PDE1A: variants seen among roughly 807,000 people sequenced by gnomAD.
PDE1A encodes dual specificity calcium/calmodulin-dependent 3',5'-cyclic nucleotide phosphodiesterase 1A.
In PDE1A, 35 loss-of-function variants were observed where a neutral mutation model predicts 61.7. That is an observed-to-expected ratio of 0.57 (90% CI 0.43 to 0.75). PDE1A has a LOEUF of 0.75. Among genes scored for constraint, PDE1A ranks in the 30% least tolerant of loss-of-function variants. The pLI is 0.00. For missense variants in PDE1A, 597 were observed against 630.6 expected (o/e 0.95, Z 0.57); for synonymous variants, 232 against 213.2 (o/e 1.09, Z -0.77).
chr2:182,267,893 A>AT (rs1315704277), intron 1 of PDE1A, among the ~76,000 whole-genome samples: 19 of 151,956 alleles, frequency 1.3e-4, no homozygotes, highest in South Asian at 1.0e-3. Context: ...TATCTGTACA[A>AT]TTTTTTTTAT....
intron 2 of PDE1A, among the ~76,000 whole-genome samples, chr2:182,521,346 CTGT>C (rs1054869774): frequency 8.3e-4 from 126 of 152,008 alleles, no homozygotes; most frequent in African/African-American, 2.9e-3. Context: ...ATTCTTTCAG[CTGT>C]TATTATAGAA....
At chr2:182,146,833 A>T (rs921391454), downstream of PDE1A, among the ~76,000 whole-genome samples, 3 of 152,166 alleles carry the variant, frequency 2.0e-5, no homozygotes, top group African/African-American at 7.2e-5. Context: ...CAGTAAATAT[A>T]ATTTTTGTTG....
intron 1 of PDE1A, among the ~76,000 whole-genome samples, chr2:182,392,926 C>T (rs1025570407): frequency 1.3e-5 from 2 of 152,244 alleles, no homozygotes; most frequent in Non-Finnish European, 2.9e-5. Context: ...CTTTCCTGAG[C>T]TAGTGTTGTG....
downstream of PDE1A, among the ~76,000 whole-genome samples, chr2:182,164,392 T>C (rs1468905082): frequency 6.6e-6 from 1 of 152,112 alleles, no homozygotes. Context: ...AATTGGAATA[T>C]TGGTAACACA....
chr2:182,471,758 T>A (rs1687043631), intron 2 of PDE1A, among the ~76,000 whole-genome samples: 1 of 151,784 alleles, frequency 6.6e-6, no homozygotes, highest in Non-Finnish European at 1.5e-5. Flanking sequence ...AAGAGTTTCA[T>A]AAGACACTCT....
chr2:182,340,632 C>T (rs1269067818), intron 1 of PDE1A, among the ~76,000 whole-genome samples: 2 of 152,096 alleles, frequency 1.3e-5, no homozygotes, highest in African/African-American at 4.8e-5. Flanking sequence ...GTGAAAATTG[C>T]ATGACTATGT....
chr2:182,257,716 T>G lies in PDE1A; in HGVS notation c.167+6585A>C, dbSNP rs1691920933. 2.0e-5 allele frequency among the ~76,000 whole-genome samples: 3 copies of G among 152,232 alleles called. No individual in the cohort carries two copies. In the South Asian group the frequency reaches 6.2e-4, roughly 31 times the overall value. On this transcript the variant is annotated intron_variant, in intron 2 of 13. Coordinates refer to ENST00000351439, the Ensembl canonical transcript of PDE1A. Reference sequence around the variant, plus strand: ...TTTTGATTGGCCCCTATCTTTATTTTAGTCACAGAACTTGAGGTCCTGAAC... The same window carrying G: ...TTTTGATTGGCCCCTATCTTTATTTGAGTCACAGAACTTGAGGTCCTGAAC...
At chr2:182,369,862 T>G (rs553844058) in intron 1 of PDE1A, among the ~76,000 whole-genome samples, 2 of 152,170 alleles carry the variant, frequency 1.3e-5, no homozygotes, top group African/African-American at 4.8e-5. Flanking sequence ...TGAAGGTAAG[T>G]GTAAAAGAAG....
intron 2 of PDE1A, among the ~76,000 whole-genome samples, chr2:182,492,062 G>A (rs1258935823): frequency 6.6e-6 from 1 of 152,058 alleles, no homozygotes; most frequent in Non-Finnish European, 1.5e-5. Flanking sequence ...AGGCTAGTCT[G>A]ATCATTTCCT....
At chr2:182,251,074 T>C (rs1691362611) in intron 2 of PDE1A, among the ~76,000 whole-genome samples, 1 of 152,192 alleles carries the variant, frequency 6.6e-6, no homozygotes, top group Non-Finnish European at 1.5e-5. Context: ...GAAATCCTCT[T>C]GGCTCAAAAA....
chr2:182,658,604 C>G, the PDE1A span, among the ~76,000 whole-genome samples: 1 of 152,158 alleles, frequency 6.6e-6, no homozygotes, highest in Non-Finnish European at 1.5e-5. Flanking sequence ...CACAGTGTAA[C>G]TGAGAGACTA....
At chr2:182,667,268 T>C in the PDE1A span, among the ~76,000 whole-genome samples, 2 of 152,220 alleles carry the variant, frequency 1.3e-5, no homozygotes, top group Non-Finnish European at 2.9e-5. Context: ...CAGGTCTAAA[T>C]AGTCTGATTA....
At chr2:182,156,978 T>A (rs1412890120) in intron 13 of PDE1A, among the ~76,000 whole-genome samples, 1 of 150,486 alleles carries the variant, frequency 6.6e-6, no homozygotes, top group Non-Finnish European at 1.5e-5. Context: ...TTGAATTTTT[T>A]ATTTTTTTAT....
At chr2:182,265,255 C>T (rs1490785853) in intron 1 of PDE1A, among the ~76,000 whole-genome samples, 1 of 151,424 alleles carries the variant, frequency 6.6e-6, no homozygotes, top group Non-Finnish European at 1.5e-5. Context: ...AAAAAAACTA[C>T]TAAATAAATA....
the PDE1A span, among the ~76,000 whole-genome samples, chr2:182,653,134 T>TTC: frequency 6.6e-6 from 1 of 152,200 alleles, no homozygotes; most frequent in African/African-American, 2.4e-5. Flanking sequence ...TTTGAAGTAG[T>TTC]CACAATTGCA....
chr2:182,710,843 T>C, the PDE1A span, among the ~76,000 whole-genome samples: 4 of 152,328 alleles, frequency 2.6e-5, no homozygotes, highest in Admixed American at 2.6e-4. Flanking sequence ...TCGAATCTGT[T>C]TATTTCTCCA....
At chr2:182,289,972 A>G (rs1465321306) in intron 1 of PDE1A, among the ~76,000 whole-genome samples, 1 of 152,148 alleles carries the variant, frequency 6.6e-6, no homozygotes, top group Non-Finnish European at 1.5e-5. Context: ...TTTCCAAACA[A>G]ATTTGTTAAA....
At chr2:182,684,983 T>C in the PDE1A span, among the ~76,000 whole-genome samples, 2 of 151,770 alleles carry the variant, frequency 1.3e-5, no homozygotes, top group African/African-American at 2.4e-5. Flanking sequence ...AAGAGGAGAT[T>C]TAGCATTTAA....
At chr2:182,415,091 T>TA (rs1245335482) in intron 1 of PDE1A, among the ~76,000 whole-genome samples, 1 of 151,972 alleles carries the variant, frequency 6.6e-6, no homozygotes, top group Admixed American at 6.6e-5. Context: ...AGAAGCATTT[T>TA]AAAAAAAATT....
Sources: gnomAD v4.1 joint callset for allele counts (sites outside exome capture counted in the v4.1 genomes callset) on GRCh38, gnomAD v4.1.1 for gene constraint, MANE v1.5 for transcripts, NCBI Gene and HGNC (gene_info 2026-07-23, HGNC 2026-07-21) for gene names.